The following CAPZB variants were observed in gnomAD, a reference collection of about 807,000 sequenced individuals.
CAPZB encodes the protein F-actin-capping protein subunit beta.
CAPZB carries 2 observed loss-of-function variants against 38.1 expected under a neutral mutation model. The observed-to-expected ratio is 0.05, with a 90% confidence interval of 0.02 to 0.17. The LOEUF is 0.17. Ranked by LOEUF, CAPZB falls within the 10% of genes least tolerant of loss-of-function variation. CAPZB has a pLI of 1.00. For missense variants in CAPZB, 161 were observed against 334.2 expected, an observed-to-expected ratio of 0.48 and a Z score of 4.04; for synonymous variants, 107 against 127.4, an observed-to-expected ratio of 0.84 and a Z score of 1.08.
At chr1:19,482,210 T>A (rs1232870622) in intron 1 of CAPZB, among the ~76,000 whole-genome samples, 2 of 152,234 alleles carry the variant, frequency 1.3e-5, no homozygotes, top group Non-Finnish European at 2.9e-5. Flanking sequence ...GGCTTATCAT[T>A]TCCTTAATCT....
intron 1 of CAPZB, among the ~76,000 whole-genome samples, chr1:19,466,190 G>T (rs2094568613): frequency 6.6e-6 from 1 of 152,110 alleles, no homozygotes; most frequent in Admixed American, 6.6e-5. Flanking sequence ...CTGTGCTCCT[G>T]GCCTACTCCA....
chr1:19,358,535 T>A (rs873362), intron 4 of CAPZB, among the ~76,000 whole-genome samples: 2 of 152,012 alleles, frequency 1.3e-5, no homozygotes, highest in Non-Finnish European at 2.9e-5. Flanking sequence ...TGGGAATCAG[T>A]CTGGGATCCC....
rs747746654 is a variant in CAPZB at position 19,382,868 on chromosome 1, C to T, written c.215+2637G>A. Among the ~76,000 whole-genome samples, 10 of 152,298 alleles carry T rather than the reference C, an allele frequency of 6.6e-5. No homozygotes were observed. The East Asian group carries it at 1.3e-3, about 21-fold the overall frequency. On this transcript the variant is annotated intron_variant, in intron 3 of 8. Transcript: ENST00000264202. ...TTCAAGGAACACCTCCTCCAGGAAG[C>T]GTTCCCTGAACTGCATGCCGGGCGA...
intron 1 of CAPZB, among the ~76,000 whole-genome samples, chr1:19,472,057 G>A (rs2094590467): frequency 2.6e-5 from 4 of 152,188 alleles, no homozygotes; most frequent in Non-Finnish European, 5.9e-5. Flanking sequence ...TCAGCACACA[G>A]GGAAAACCAG....
chr1:19,484,661 G>C (rs778165904), intron 1 of CAPZB: 107 of 1,165,962 alleles, frequency 9.2e-5, no homozygotes, highest in Non-Finnish European at 1.1e-4. Context: ...CCCAGGTACA[G>C]GGAAGGGGAC....
chr1:19,469,457 A>G (rs10799816), intron 1 of CAPZB, among the ~76,000 whole-genome samples: 75,727 of 151,990 alleles, frequency 0.5, 19,441 homozygotes, highest in Non-Finnish European at 0.56. Flanking sequence ...AGATTAATAC[A>G]GCAAAAACCA....
intron 4 of CAPZB, among the ~76,000 whole-genome samples, chr1:19,370,156 C>T (rs1346415310): frequency 6.6e-6 from 1 of 152,228 alleles, no homozygotes. Context: ...TGTCCTGTTC[C>T]GGCCTCCACT....
intron 6 of CAPZB, among the ~76,000 whole-genome samples, chr1:19,354,521 G>A (rs990004164): frequency 6.6e-6 from 1 of 152,188 alleles, no homozygotes; most frequent in Non-Finnish European, 1.5e-5. Context: ...TAGAATGATG[G>A]CAGAGCATTA....
rs193092344 is a variant in CAPZB, at chr1:19,356,478, T to C, written c.588+157A>G. On this transcript the variant is annotated intron_variant, in intron 6 of 8. Transcript: ENST00000264202. This position sits in a 1 kb window ranked among gnomAD's most constrained non-coding sequence, Gnocchi z 4.3. ...GGCAACCTTGCACAGCCCAGAGAGC[T>C]TTTATTTGAAAATGCAAAGCCCTAC... 6.6e-6 allele frequency among the ~76,000 whole-genome samples: 1 copy of C among 152,326 alleles called. No homozygotes were observed. Among genetic ancestry groups the C allele is most frequent in the African/African-American group, 2.4e-5 (1 of 41,570 alleles).
intron 2 of CAPZB, among the ~76,000 whole-genome samples, chr1:19,387,687 C>T (rs1180187474): frequency 6.6e-6 from 1 of 152,200 alleles, no homozygotes; most frequent in Non-Finnish European, 1.5e-5. Flanking sequence ...CCTCCTGACT[C>T]CGCTGCGTAC....
At chr1:19,340,426 G>A (rs553684657) in intron 8 of CAPZB, among the ~76,000 whole-genome samples, 24 of 152,346 alleles carry the variant, frequency 1.6e-4, no homozygotes, top group South Asian at 4.1e-4. Context: ...GTGTGGGGAC[G>A]CTCATCAACA....
chr1:19,352,559 T>C (rs889172848), intron 6 of CAPZB, among the ~76,000 whole-genome samples: 2 of 152,216 alleles, frequency 1.3e-5, no homozygotes, highest in African/African-American at 4.8e-5. Context: ...GCAACCTTTT[T>C]TCGCTTGCTC....
At chr1:19,412,598 A>T (rs1479123977) in intron 2 of CAPZB, among the ~76,000 whole-genome samples, 1 of 152,190 alleles carries the variant, frequency 6.6e-6, no homozygotes, top group African/African-American at 2.4e-5. Flanking sequence ...CAATTTTTAA[A>T]TAAGACAAAA....
At position 19,412,895 on chromosome 1, in the gene CAPZB, T is replaced by C. The variant is rs545570784; in HGVS notation, c.93+6766A>G. 3.9e-5 allele frequency among the ~76,000 whole-genome samples: 6 copies of C among 152,356 alleles called. No homozygotes were observed. The South Asian group carries it at 1.0e-3, about 26-fold the overall frequency. On this transcript the variant is annotated intron_variant, in intron 2 of 8. Transcript: ENST00000264202. ...GCTGCCAGTTATCCTGTTCAACAGA[T>C]GTACAGCGTGCAAAGCTGACCACAG...
At chr1:19,423,516 C>CT (rs11340496) in intron 1 of CAPZB, among the ~76,000 whole-genome samples, 20,788 of 112,480 alleles carry the variant, frequency 0.18, 2,071 homozygotes, top group Non-Finnish European at 0.22. Flanking sequence ...AGTGAACATT[C>CT]TTTTTTTTTT....
Position 19,357,473 on chromosome 1 carries a change from T to A in CAPZB, c.420A>T (p.Gly140=). ...CCCAGCAGCCTTTGATCTTCTTTGA[T>A]CCATCTCCAGCCTTCTTTATGAGGA... The part of the protein sequence containing the change: ...GVILIKKAGD[G]SKKIKGCWDS... The change falls in exon 5 of 9, where the codon GGA becomes GGT. Residue 140 remains glycine, a synonymous_variant. Transcript: ENST00000264202. This position sits in a 1 kb window ranked among gnomAD's most constrained non-coding sequence, Gnocchi z 4.3. The A allele has an allele frequency of 6.2e-7, 1 of 1,613,996 alleles. No homozygotes were observed. The highest frequency in any genetic ancestry group is 8.5e-7 in the Non-Finnish European group (1 of 1,180,012).
At chr1:19,450,144 C>CAAAAAAAAAAAAAAAAA (rs71008167) in intron 1 of CAPZB, among the ~76,000 whole-genome samples, 14 of 35,458 alleles carry the variant, frequency 3.9e-4, no homozygotes, top group Non-Finnish European at 5.6e-4. Context: ...ACCCTGTCTC[C>CAAAAAAAAAAAAAAAAA]AAAAAAAAAA....
intron 4 of CAPZB, among the ~76,000 whole-genome samples, chr1:19,373,757 CTATAGCT>C (rs2094131331): frequency 6.6e-6 from 1 of 151,790 alleles, no homozygotes; most frequent in Admixed American, 6.6e-5. Flanking sequence ...GATGGCATGA[CTATAGCT>C]CACTGTAACC....
At chr1:19,372,519 T>C (rs1292417760) in intron 4 of CAPZB, among the ~76,000 whole-genome samples, 1 of 152,196 alleles carries the variant, frequency 6.6e-6, no homozygotes, top group Non-Finnish European at 1.5e-5. Flanking sequence ...AGTGTTAATC[T>C]TGGGGTTCAT....
Sources: allele counts gnomAD v4.1 joint callset (sites outside exome capture counted in the v4.1 genomes callset), GRCh38; gene constraint gnomAD v4.1.1; non-coding constraint Gnocchi (gnomAD v3.1); transcripts MANE v1.5; gene names NCBI Gene and HGNC (gene_info 2026-07-23, HGNC 2026-07-21).